PDE1C: variants seen among roughly 807,000 people sequenced by gnomAD.
The protein encoded by PDE1C is dual specificity calcium/calmodulin-dependent 3',5'-cyclic nucleotide phosphodiesterase 1C.
Under a neutral mutation model 93.1 loss-of-function variants are expected in PDE1C, and 62 were observed. The ratio of observed to expected loss-of-function variants is 0.67; its 90% CI spans 0.54 to 0.82. PDE1C has a LOEUF of 0.82. Among genes scored for constraint, PDE1C ranks in the 40% least tolerant of loss-of-function variants. PDE1C has a pLI of 0.00. For missense variants in PDE1C, 742 were observed against 884.6 expected (o/e 0.84, Z 2.04); for synonymous variants, 325 against 310.1 (o/e 1.05, Z -0.50).
At chr7:31,798,629 C>A (rs1476632316) in intron 16 of PDE1C, among the ~76,000 whole-genome samples, 1 of 151,722 alleles carries the variant, frequency 6.6e-6, no homozygotes, top group African/African-American at 2.4e-5. Flanking sequence ...ATCATATCAA[C>A]AGTTCCTTAG....
chr7:31,939,326 AATAGACCAC>A (rs1805517173), intron 2 of PDE1C, among the ~76,000 whole-genome samples: 1 of 152,180 alleles, frequency 6.6e-6, no homozygotes, highest in South Asian at 2.1e-4. Flanking sequence ...GTGAGCAATG[AATAGACCAC>A]ACCGCTGAGT....
intron 3 of PDE1C, among the ~76,000 whole-genome samples, chr7:32,166,796 A>G (rs1457243417): frequency 5.9e-5 from 9 of 152,164 alleles, no homozygotes; most frequent in Admixed American, 5.2e-4. Flanking sequence ...AGGCCCAGGG[A>G]CATGTCTTGA....
At chr7:31,898,070 C>T (rs1799534872) in intron 2 of PDE1C, among the ~76,000 whole-genome samples, 1 of 148,416 alleles carries the variant, frequency 6.7e-6, no homozygotes, top group African/African-American at 2.5e-5. Context: ...GTTTACTATA[C>T]TGAAAAATGT....
chr7:31,681,418 T>C, the PDE1C span, among the ~76,000 whole-genome samples: 1 of 151,686 alleles, frequency 6.6e-6, no homozygotes, highest in Non-Finnish European at 1.5e-5. Context: ...GATGGATGAA[T>C]ATGCTATTAT....
At chr7:31,922,640 G>A (rs761905525) in intron 2 of PDE1C, among the ~76,000 whole-genome samples, 3 of 152,112 alleles carry the variant, frequency 2.0e-5, no homozygotes, top group Non-Finnish European at 2.9e-5. Flanking sequence ...AGCAAATGAG[G>A]ATATAACAAA....
Position 31,865,010 on chromosome 7 carries a change from G to A in PDE1C, c.682C>T (p.His228Tyr). The change falls in exon 7 of 18, where the codon CAT becomes TAT. Residue 228 changes from histidine (H) to tyrosine (Y), a missense_variant. Around this residue, in one of 4 missense-constraint regions of PDE1C, gnomAD observed 205 missense variants for 295.3 expected, o/e 0.69. Transcript: ENST00000396191. ...VGYSKHKNPY[H>Y]NLMHAADVTQ... ...ACATCGGCAGCGTGCATTAAGTTAT[G>A]GTAAGGATTTTTGTGCTTGCTGTAT... The A allele has an allele frequency of 1.2e-6, 2 of 1,614,042 alleles. No homozygotes were observed. Among genetic ancestry groups the A allele is most frequent in the South Asian group, 1.1e-5 (1 of 91,074 alleles).
At chr7:32,056,320 TTCTCTCTCTCTCTCTCTCTCTCTCTC>T (rs10648394) in intron 1 of PDE1C, among the ~76,000 whole-genome samples, 1 of 111,030 alleles carries the variant, frequency 9.0e-6, no homozygotes, top group Non-Finnish European at 1.8e-5. Context: ...GGGTCCACCG[TTCTCTCTCTCTCTCTCTCTCTCTCTC>T]TCTCTCTCTC....
the PDE1C span, chr7:31,695,735 T>C: frequency 9.8e-7 from 1 of 1,022,628 alleles, no homozygotes; most frequent in Non-Finnish European, 1.4e-6. Flanking sequence ...ATTTGTGCAC[T>C]CCCCACCTCT....
chr7:31,893,598 G>C, intron 2 of PDE1C: 1 of 562,502 alleles, frequency 1.8e-6, no homozygotes, highest in Non-Finnish European at 2.3e-6. Flanking sequence ...AAAAATATGA[G>C]CTTGATATCG....
intron 1 of PDE1C, among the ~76,000 whole-genome samples, chr7:32,406,395 G>C (rs182845608): frequency 7.0e-4 from 107 of 152,236 alleles, no homozygotes; most frequent in African/African-American, 2.5e-3. Flanking sequence ...AGAGGACACT[G>C]AATTTTCCCA....
Position 32,169,750 on chromosome 7 carries a change from TAAG to T in PDE1C, c.308+32_308+34del, listed in dbSNP as rs753663822. 6.9e-6 allele frequency: 11 copies of T among 1,593,132 alleles called. No homozygotes were observed. The African/African-American group carries it at 8.1e-5, about 12-fold the overall frequency. On this transcript the variant is annotated intron_variant, in intron 3 of 18. Coordinates refer to the PDE1C transcript ENST00000396193. ...GGATTGAAACAACTCCACAAGCAAA[TAAG>T]AAGGAACACATTGAGTTGCAATCCA...
chr7:31,974,420 T>C (rs1355156300), intron 2 of PDE1C, among the ~76,000 whole-genome samples: 2 of 152,226 alleles, frequency 1.3e-5, no homozygotes, highest in Admixed American at 1.3e-4. Flanking sequence ...ATATTATCTT[T>C]TTGTTCTAAT....
At chr7:32,206,593 A>C (rs36029255) in intron 2 of PDE1C, among the ~76,000 whole-genome samples, 9,178 of 152,216 alleles carry the variant, frequency 0.06, 520 homozygotes, top group East Asian at 0.35. Flanking sequence ...CCTGGACCTG[A>C]GCAGGGGAGA....
intron 1 of PDE1C, among the ~76,000 whole-genome samples, chr7:32,415,593 C>G (rs927686206): frequency 2.0e-5 from 3 of 152,080 alleles, no homozygotes; most frequent in African/African-American, 7.2e-5. Context: ...GGAGTGCAGG[C>G]AAGAGTCTGG....
the PDE1C span, chr7:31,642,258 G>T: frequency 1.3e-6 from 2 of 1,547,208 alleles, no homozygotes; most frequent in South Asian, 1.2e-5. Flanking sequence ...TGCCCCTCCA[G>T]GTAGGAGGGT....
At chr7:32,192,421 C>G (rs1314396452) in intron 2 of PDE1C, among the ~76,000 whole-genome samples, 6 of 152,154 alleles carry the variant, frequency 3.9e-5, no homozygotes, top group African/African-American at 1.4e-4. Context: ...ATGTCCAATA[C>G]TGAAGCACAG....
chr7:32,085,629 G>C (rs1328599850), intron 3 of PDE1C, among the ~76,000 whole-genome samples: 1 of 146,886 alleles, frequency 6.8e-6, no homozygotes, highest in Non-Finnish European at 1.5e-5. Flanking sequence ...ACCGAATCCA[G>C]CAGCACATCA....
the PDE1C span, among the ~76,000 whole-genome samples, chr7:31,740,065 A>C: frequency 6.6e-6 from 1 of 152,310 alleles, no homozygotes; most frequent in South Asian, 2.1e-4. Context: ...AAGGCATGCC[A>C]TGAAATACTG....
intron 3 of PDE1C, among the ~76,000 whole-genome samples, chr7:32,154,385 C>A (rs546176355): frequency 1.8e-4 from 27 of 152,236 alleles, no homozygotes; most frequent in African/African-American, 6.0e-4. Context: ...CAAGAAGCTG[C>A]AAAAATGGTA....
Sources: allele counts gnomAD v4.1 joint callset (sites outside exome capture counted in the v4.1 genomes callset), GRCh38; gene constraint gnomAD v4.1.1; regional missense constraint gnomAD v4.1.1; transcripts MANE v1.5; gene names NCBI Gene and HGNC (gene_info 2026-07-23, HGNC 2026-07-21).